The following ZNF74 variants were observed in gnomAD, a reference collection of about 807,000 sequenced individuals.
The protein encoded by ZNF74 is zinc finger protein 74.
A neutral mutation model predicts 17.7 loss-of-function variants in ZNF74; 12 were observed. That is an observed-to-expected ratio of 0.68 (90% CI 0.43 to 1.10). The LOEUF (loss-of-function observed/expected upper bound fraction) is 1.10. Ranked by LOEUF, ZNF74 falls within the 50% of genes least tolerant of loss-of-function variation. The pLI, the probability that ZNF74 is intolerant of heterozygous loss-of-function variation, is 0.00. For missense variants in ZNF74, 811 were observed against 881.0 expected (o/e 0.92, Z 1.01); for synonymous variants, 358 against 362.1 (o/e 0.99, Z 0.13).
At position 20,394,388 on chromosome 22, in the gene ZNF74, C is replaced by A; in HGVS notation, c.-241C>A. ...TGTGCCGGGGCGTGAGTGCGCCGAG[C>A]ATGGGGCTGAGCCTGGTGTGGGGAG... On this transcript the variant is annotated 5_prime_UTR_variant, in exon 1 of 5. Transcript: ENST00000400451. 1 of 669,928 alleles carries A rather than the reference C, an allele frequency of 1.5e-6. No homozygotes were observed. Among genetic ancestry groups the A allele is most frequent in the Non-Finnish European group, 2.7e-6 (1 of 366,276 alleles). 41.5% of individuals were successfully genotyped at this position (669,928 alleles called of 1,614,324 possible).
chr22:20,397,468 T>C (rs555121770), intron 2 of ZNF74, among the ~76,000 whole-genome samples: 8 of 152,324 alleles, frequency 5.3e-5, no homozygotes, highest in Admixed American at 3.9e-4. Flanking sequence ...TATACAGTTG[T>C]GTAACCAGCA....
In ZNF74 at chr22:20,406,082, A is replaced by G. The variant is rs892282881; in HGVS notation, c.1049A>G (p.His350Arg). Residue 350 changes from histidine to arginine, a missense_variant, in exon 5 of 5, where the codon CAC becomes CGC. His to Arg is a conservative substitution (Grantham distance 29, BLOSUM62 0). This residue lies in a region of ZNF74 where 666 missense variants were observed against 702.3 expected (regional missense o/e 0.95). Coordinates refer to ENST00000400451, the MANE Select transcript of ZNF74 (RefSeq NM_003426.4). ...AFSCSSLLSM[H>R]LRVHTGEKPY... ...AGCTGCAGCTCGCTGCTCAGCATGC[A>G]CCTGCGGGTGCACACCGGCGAGAAG... 2 of 1,613,238 alleles carry G rather than the reference A, an allele frequency of 1.2e-6. No individual in the cohort carries two copies. Among genetic ancestry groups the G allele is most frequent in the Non-Finnish European group, 1.7e-6 (2 of 1,179,752 alleles).
At chr22:20,397,689 TG>T (rs1039623126) in intron 2 of ZNF74, among the ~76,000 whole-genome samples, 1 of 152,256 alleles carries the variant, frequency 6.6e-6, no homozygotes, top group Non-Finnish European at 1.5e-5. Context: ...TATTGTTGTG[TG>T]AATCAGTAGT....
rs3747076 is a variant in ZNF74 at position 20,405,382 on chromosome 22, G to A, written c.349G>A (p.Glu117Lys). The A allele has an allele frequency of 0.023, 36,521 of 1,599,250 alleles. 4,669 individuals carry two copies. In the East Asian group the frequency reaches 0.34, roughly 15 times the overall value. ...TCATTTTCAATATCTTACAGAATGG[G>A]AGCTGAAGGCGGTGCCCTCTCAACA... is the stretch of plus-strand genomic sequence containing the variant. ...EVPRGPCPEW[E>K]LKAVPSQQQG... The change falls in exon 5 of 5, where the codon GAG (glutamate) becomes AAG (lysine). Residue 117 changes from glutamate (E) to lysine (K), a missense_variant. Glu to Lys is a moderately conservative substitution (Grantham distance 56). This residue lies in a region of ZNF74 where 666 missense variants were observed against 702.3 expected (regional missense o/e 0.95). Transcript: ENST00000400451.
chr22:20,400,550 T>A, intron 2 of ZNF74, 82 bp from the exon 3 acceptor site: 1 of 1,560,320 alleles, frequency 6.4e-7, no homozygotes, highest in South Asian at 1.1e-5. Flanking sequence ...CCTTTACTTG[T>A]AGGGTCCTTA....
At position 20,394,905 on chromosome 22, in the gene ZNF74, C is replaced by T. The variant is rs1314353196; in HGVS notation, c.34+243C>T. The T allele has an allele frequency of 2.6e-5, 14 of 537,422 alleles. No homozygotes were observed. In the East Asian group the frequency reaches 4.1e-4, roughly 16 times the overall value. 33.3% of individuals were successfully genotyped at this position (537,422 alleles called of 1,614,324 possible). A position where few individuals can be genotyped will look rare whatever the true frequency, so the allele number is the denominator to read the frequency against. On this transcript the variant is annotated intron_variant, in intron 1 of 4. Transcript: ENST00000400451. Reference sequence around the variant, plus strand: ...CCTCCCAAGTAGTTGGGATTGCAGGCGCGCGCCACCACGCCCGGCTAATGT... The same window carrying T: ...CCTCCCAAGTAGTTGGGATTGCAGGTGCGCGCCACCACGCCCGGCTAATGT...
At chr22:20,405,278 C>A (rs1286206089) in intron 4 of ZNF74, 99 bp from the exon 5 acceptor site, 1 of 1,354,112 alleles carries the variant, frequency 7.4e-7, no homozygotes, top group Non-Finnish European at 1.0e-6. Flanking sequence ...CCTCTCCTCT[C>A]TTTTCTGGGC....
rs1448939578 is a variant in ZNF74 at position 20,406,168 on chromosome 22, C to A, written c.1135C>A (p.His379Asn). 1.2e-6 allele frequency: 2 copies of A among 1,612,726 alleles called. No homozygotes were observed. Among genetic ancestry groups the A allele is most frequent in the Admixed American group, 3.3e-5 (2 of 59,936 alleles). The change falls in exon 5 of 5, where the codon CAC becomes AAC. Residue 379 changes from histidine (H) to asparagine (N), a missense_variant. By Grantham distance (68) the His-to-Asn change is moderately conservative. This residue lies in a region of ZNF74 where 666 missense variants were observed against 702.3 expected (regional missense o/e 0.95). Coordinates refer to ENST00000400451, the MANE Select transcript of ZNF74 (RefSeq NM_003426.4). ...CCAGCGTACACACCTCACACGCCAC[C>A]ACCGCATCCACACGGGCGAGAAGCC... ...FNQRTHLTRH[H>N]RIHTGEKPYQ...
chr22:20,405,454 C>G lies in ZNF74; in HGVS notation c.421C>G (p.Arg141Gly). 1.9e-6 allele frequency: 3 copies of G among 1,612,904 alleles called. No individual in the cohort carries two copies. The highest frequency in any genetic ancestry group is 1.7e-4 in the Middle Eastern group (1 of 6,028). The change falls in exon 5 of 5, where the codon CGG (arginine) becomes GGG (glycine). Residue 141 changes from arginine (R) to glycine (G), a missense_variant. Arg to Gly is a moderately radical substitution (Grantham distance 125, BLOSUM62 -2). Transcript: ENST00000400451. Reference sequence around the variant, plus strand: ...ACCGGCCCAGGAGCCCATCATGGAGCGGCCCCTCGGCGGGGCGCAGGCGTG... The same window carrying G: ...ACCGGCCCAGGAGCCCATCATGGAGGGGCCCCTCGGCGGGGCGCAGGCGTG... ...EEPAQEPIME[R>G]PLGGAQAWGR...
In ZNF74 at chr22:20,398,742, A is replaced by G. The variant is rs545954358; in HGVS notation, c.121-1890A>G. ...CTTAAGATTGAAACTTACTTTACTT[A>G]CTTTAGTGTCTTAAGATTGAAACAT... is the stretch of plus-strand genomic sequence containing the variant. On this transcript the variant is annotated intron_variant, in intron 2 of 4. Coordinates refer to ENST00000400451, the MANE Select transcript of ZNF74 (RefSeq NM_003426.4). Among the ~76,000 whole-genome samples the G allele has an allele frequency of 5.9e-5, 9 of 152,128 alleles. No homozygotes were observed. The East Asian group carries it at 1.7e-3, about 29-fold the overall frequency.
In ZNF74 at chr22:20,406,931, G is replaced by A; in HGVS notation, c.1898G>A (p.Gly633Asp). ...KLLCVVPPRA[G>D]RNFSLGSKPR... Reference sequence around the variant, plus strand: ...TTGTGCGTGGTTCCCCCCAGAGCTGGCAGGAATTTCTCCCTGGGGAGCAAA... The same window carrying A: ...TTGTGCGTGGTTCCCCCCAGAGCTGACAGGAATTTCTCCCTGGGGAGCAAA... Residue 633 changes from glycine to aspartate, a missense_variant, in exon 5 of 5, where the codon GGC becomes GAC. Gly to Asp is a moderately conservative substitution (Grantham distance 94). Coordinates refer to ENST00000400451, the MANE Select transcript of ZNF74 (RefSeq NM_003426.4). 3.7e-6 allele frequency: 6 copies of A among 1,613,622 alleles called. No individual in the cohort carries two copies. The highest frequency in any genetic ancestry group is 5.1e-6 in the Non-Finnish European group (6 of 1,179,882).
chr22:20,402,159 C>T (rs961102035), intron 4 of ZNF74, among the ~76,000 whole-genome samples: 2 of 152,132 alleles, frequency 1.3e-5, no homozygotes, highest in Admixed American at 6.5e-5. Flanking sequence ...GAAAGGCAGC[C>T]GATAAGCTGT....
At chr22:20,400,809 C>T (rs2146094864) in intron 3 of ZNF74, 51 bp downstream of exon 3, 1 of 1,593,820 alleles carries the variant, frequency 6.3e-7, no homozygotes. Flanking sequence ...CCTTCTTCTA[C>T]ATGGTAGATA....
chr22:20,396,381 G>A (rs1206727062), intron 2 of ZNF74, among the ~76,000 whole-genome samples: 1 of 152,048 alleles, frequency 6.6e-6, no homozygotes, highest in Non-Finnish European at 1.5e-5. Context: ...AATTGATAAA[G>A]GGCAGTTTGG....
chr22:20,404,314 A>G (rs556562420), intron 4 of ZNF74, among the ~76,000 whole-genome samples: 22 of 152,224 alleles, frequency 1.4e-4, no homozygotes, highest in African/African-American at 4.8e-4. Context: ...GGAAGAGTAC[A>G]GCTTTTTGGG....
At chr22:20,400,945 G>T (rs530900395) in intron 3 of ZNF74, 187 bp downstream of exon 3, 5 of 661,342 alleles carry the variant, frequency 7.6e-6, no homozygotes, top group Non-Finnish European at 1.0e-5. Context: ...AAGGGACAGC[G>T]TGGGAGCTGG....
At position 20,408,235 on chromosome 22, in the gene ZNF74, AAGACAG is replaced by A. The variant is rs1470295952; in HGVS notation, c.*1270_*1275del. 6.6e-6 allele frequency: 1 copy of A among 152,242 alleles called. No individual in the cohort carries two copies. Among genetic ancestry groups the A allele is most frequent in the African/African-American group, 2.4e-5 (1 of 41,466 alleles). The allele number at this position is 152,242 out of a possible 1,614,324, so 9.4% of individuals were successfully genotyped here. A position where few individuals can be genotyped will look rare whatever the true frequency, so the allele number is the denominator to read the frequency against. On this transcript the variant is annotated 3_prime_UTR_variant, in exon 5 of 5. Transcript: ENST00000400451. Reference sequence around the variant, plus strand: ...TGTCCCAACACTCTTCAGAGACAGGAAGACAGAGTTAATCTTGAATGAATGTTATTT... The same window carrying A: ...TGTCCCAACACTCTTCAGAGACAGGAAGTTAATCTTGAATGAATGTTATTT...
In ZNF74 at chr22:20,401,353, C is replaced by A. The variant is rs2052355401; in HGVS notation, c.324C>A (p.Val108=). 1 of 1,607,026 alleles carries A rather than the reference C, an allele frequency of 6.2e-7. No individual in the cohort carries two copies. Residue 108 remains valine, a synonymous_variant, in exon 4 of 5, where the codon GTC becomes GTA. Transcript: ENST00000400451. This position sits in a 1 kb window ranked among gnomAD's most constrained non-coding sequence, Gnocchi z 4.2. The stretch of plus-strand genomic sequence containing the variant: ...AGCCATGGAGCATGCAGAGGGAAGT[C>A]CCCAGAGGGCCCTGTCCAGGTGAGC... ...GEEPWSMQRE[V]PRGPCPEWEL...
rs763591814 is a variant in ZNF74, at chr22:20,405,477, G to C, written c.444G>C (p.Ala148=). 3.1e-6 allele frequency: 5 copies of C among 1,609,408 alleles called. No homozygotes were observed. Among genetic ancestry groups the C allele is most frequent in the Non-Finnish European group, 3.4e-6 (4 of 1,178,648 alleles). ...IMERPLGGAQ[A]WGRQAGALQR... The stretch of plus-strand genomic sequence containing the variant: ...AGCGGCCCCTCGGCGGGGCGCAGGC[G>C]TGGGGGCGCCAGGCAGGTGCTCTGC... The change falls in exon 5 of 5, where the codon GCG becomes GCC. Residue 148 remains alanine (A), a synonymous_variant. Coordinates refer to ENST00000400451, the MANE Select transcript of ZNF74 (RefSeq NM_003426.4).
Sources: gnomAD v4.1 joint callset for allele counts (sites outside exome capture counted in the v4.1 genomes callset) on GRCh38, gnomAD v4.1.1 for gene constraint, gnomAD v4.1.1 regional missense constraint, Gnocchi (gnomAD v3.1) non-coding constraint, MANE v1.5 for transcripts, NCBI Gene and HGNC (gene_info 2026-07-23, HGNC 2026-07-21) for gene names.